Variants in PLXNC1 observed in about 807,000 individuals in gnomAD.
The protein encoded by PLXNC1 is plexin C1.
In PLXNC1, 75 loss-of-function variants were observed where a neutral mutation model predicts 178.2. That is an observed-to-expected ratio of 0.42 (90% CI 0.35 to 0.51). PLXNC1 has a LOEUF of 0.51. Ranked by LOEUF, PLXNC1 falls within the 20% of genes least tolerant of loss-of-function variation. The pLI, the probability that PLXNC1 is intolerant of heterozygous loss-of-function variation, is 0.02. For synonymous variants in PLXNC1, 790 were observed against 779.9 expected, an observed-to-expected ratio of 1.01 and a Z score of -0.22; for missense variants, 1,503 against 1,984.4, an observed-to-expected ratio of 0.76 and a Z score of 4.61.
intron 4 of PLXNC1, among the ~76,000 whole-genome samples, chr12:94,198,326 G>A (rs1425082357): frequency 6.6e-6 from 1 of 152,066 alleles, no homozygotes; most frequent in African/African-American, 2.4e-5. Flanking sequence ...GGTGGGAGGT[G>A]AACAATGAGA....
At chr12:94,242,253 C>T (rs1045731616) in intron 11 of PLXNC1, among the ~76,000 whole-genome samples, 1 of 150,310 alleles carries the variant, frequency 6.7e-6, no homozygotes, top group Non-Finnish European at 1.5e-5. Flanking sequence ...CATCTTCTCT[C>T]TATGTCTTCA....
At chr12:94,226,488 A>AT (rs62973962) in intron 7 of PLXNC1, 117 bp from the exon 8 acceptor site, 155,111 of 535,116 alleles carry the variant, frequency 0.29, 13,254 homozygotes, top group African/African-American at 0.49. Flanking sequence ...CTGTCCAGGG[A>AT]TTTTTTTTTT....
At chr12:94,227,402 T>G in intron 9 of PLXNC1, 167 bp downstream of exon 9, 11 of 530,324 alleles carry the variant, frequency 2.1e-5, no homozygotes, top group East Asian at 1.6e-4. Flanking sequence ...ATTAGCGCAA[T>G]ACATCAATGG....
intron 4 of PLXNC1, among the ~76,000 whole-genome samples, chr12:94,188,855 C>T (rs914411937): frequency 6.6e-6 from 1 of 152,208 alleles, no homozygotes; most frequent in African/African-American, 2.4e-5. Context: ...ACTCTGGGCC[C>T]AAGCATGGGG....
chr12:94,242,612 T>G (rs1994208), intron 11 of PLXNC1, among the ~76,000 whole-genome samples: 2 of 151,920 alleles, frequency 1.3e-5, no homozygotes, highest in African/African-American at 2.4e-5. Flanking sequence ...GACACATTTT[T>G]TGGGGACACA....
intron 3 of PLXNC1, among the ~76,000 whole-genome samples, chr12:94,183,441 C>T (rs1370071039): frequency 6.6e-6 from 1 of 152,192 alleles, no homozygotes; most frequent in Non-Finnish European, 1.5e-5. Flanking sequence ...CTTTGAAAGA[C>T]TTTTGTCTAC....
rs561628995 is a variant in PLXNC1, at chr12:94,251,535, G to A, written c.2881+7G>A. The A allele has an allele frequency of 1.3e-6, 2 of 1,560,836 alleles. No individual in the cohort carries two copies. The highest frequency in any genetic ancestry group is 1.8e-6 in the Non-Finnish European group (2 of 1,131,502). On this transcript the variant is annotated splice_region_variant and intron_variant, in intron 15 of 30. Transcript: ENST00000258526. ...CTAGTGATTGTCATTTTTGGTAAGTGCCCTGTTTAATTTTGTCAGAGAAAT... is the reference window on the plus strand; with the variant it reads ...CTAGTGATTGTCATTTTTGGTAAGTACCCTGTTTAATTTTGTCAGAGAAAT...
At position 94,254,805 on chromosome 12, in the gene PLXNC1, G is replaced by C; in HGVS notation, c.2900G>C (p.Arg967Thr). ...CTCTTAGCGGCCGTGGGGGTGACCA[G>C]GCACAAATCGAAGGAGCTGAGTCGC... ...IVIFAAVGVT[R>T]HKSKELSRKQ... The change falls in exon 16 of 31, where the codon AGG becomes ACG. Residue 967 changes from arginine to threonine, a missense_variant. Physicochemically the swap from Arg to Thr is moderately conservative, Grantham distance 71. Coordinates refer to ENST00000258526, the MANE Select transcript of PLXNC1 (RefSeq NM_005761.3). The C allele has an allele frequency of 6.2e-7, 1 of 1,604,106 alleles. No individual in the cohort carries two copies. The highest frequency in any genetic ancestry group is 8.5e-7 in the Non-Finnish European group (1 of 1,177,480).
Position 94,305,798 on chromosome 12 carries a change from C to T in PLXNC1, c.*513C>T, listed in dbSNP as rs1968943572. 1 of 152,874 alleles carries T rather than the reference C, an allele frequency of 6.5e-6. No homozygotes were observed. The highest frequency in any genetic ancestry group is 1.5e-5 in the Non-Finnish European group (1 of 68,568). The allele number at this position is 152,874 out of a possible 1,614,324, so 9.5% of individuals were successfully genotyped here. On this transcript the variant is annotated 3_prime_UTR_variant, in exon 31 of 31. Transcript: ENST00000258526. ...CAGTAGTTCTTGGAAAAGCTGACCG[C>T]AGAATTTGGTAGTGTACACTTAGCA...
chr12:94,162,496 C>T (rs1592721369), intron 1 of PLXNC1, among the ~76,000 whole-genome samples: 1 of 152,142 alleles, frequency 6.6e-6, no homozygotes, highest in Admixed American at 6.5e-5. Context: ...GAATTTTAGT[C>T]AAGGGAGTAA....
chr12:94,223,980 T>C (rs2610668), intron 6 of PLXNC1, among the ~76,000 whole-genome samples: 1 of 152,154 alleles, frequency 6.6e-6, no homozygotes, highest in African/African-American at 2.4e-5. Context: ...CTAGTGATTA[T>C]TCATGGGAGG....
In PLXNC1 at chr12:94,169,284, G is replaced by T. The variant is rs751261420; in HGVS notation, c.1194G>T (p.Gln398His). The T allele has an allele frequency of 1.2e-6, 2 of 1,613,538 alleles. No individual in the cohort carries two copies. Among genetic ancestry groups the T allele is most frequent in the Non-Finnish European group, 1.7e-6 (2 of 1,179,750 alleles). Residue 398 changes from glutamine to histidine, a missense_variant, in exon 2 of 31, where the codon CAG (glutamine) becomes CAT (histidine). Gln to His is a conservative substitution (Grantham distance 24). Around this residue, in one of 4 missense-constraint regions of PLXNC1, gnomAD observed 615 missense variants for 698.6 expected, o/e 0.88. Coordinates refer to ENST00000258526, the MANE Select transcript of PLXNC1 (RefSeq NM_005761.3). Reference sequence around the variant, plus strand: ...TATTCTTGGGGACTGGAGATGGCCAGTTACTTAAGGTTGGTTTTCTGTGCC... The same window carrying T: ...TATTCTTGGGGACTGGAGATGGCCATTTACTTAAGGTTGGTTTTCTGTGCC... ...TVLFLGTGDG[Q>H]LLKVILGENL...
intron 4 of PLXNC1, among the ~76,000 whole-genome samples, chr12:94,187,484 A>G (rs1256367953): frequency 6.6e-6 from 1 of 152,214 alleles, no homozygotes; most frequent in Non-Finnish European, 1.5e-5. Flanking sequence ...GAGCTGCAGC[A>G]AGAGGAATAA....
At position 94,226,618 on chromosome 12, in the gene PLXNC1, G is replaced by A. The variant is rs772891858; in HGVS notation, c.1804G>A (p.Val602Ile). 2.4e-5 allele frequency: 38 copies of A among 1,612,498 alleles called. No homozygotes were observed. The highest frequency in any genetic ancestry group is 4.5e-5 in the East Asian group (2 of 44,882). The change falls in exon 8 of 31, where the codon GTA becomes ATA. Residue 602 changes from valine to isoleucine, a missense_variant. Coordinates refer to ENST00000258526, the MANE Select transcript of PLXNC1 (RefSeq NM_005761.3). ...CSSLKECPAC[V>I]ETGCAWCKSA... is the part of the protein sequence containing the mutation. Reference sequence around the variant, plus strand: ...CTGTGTTGCTAGATGCCCAGCATGCGTAGAAACTGGCTGCGCGTGGTGTAA... The same window carrying A: ...CTGTGTTGCTAGATGCCCAGCATGCATAGAAACTGGCTGCGCGTGGTGTAA...
At chr12:94,201,693 G>A (rs568985892) in intron 4 of PLXNC1, among the ~76,000 whole-genome samples, 1 of 146,442 alleles carries the variant, frequency 6.8e-6, no homozygotes, top group South Asian at 2.2e-4. Context: ...TGCTTTAAGT[G>A]CACTCAGATA....
In PLXNC1 at chr12:94,260,926, T is replaced by C. The variant is rs1964974189; in HGVS notation, c.3450+86T>C. 70 of 1,110,780 alleles carry C rather than the reference T, an allele frequency of 6.3e-5. 6 individuals are homozygous for C. The South Asian group carries it at 9.1e-4, about 14-fold the overall frequency. The allele number at this position is 1,110,780 out of a possible 1,614,324, so 68.8% of individuals were successfully genotyped here. Reference sequence around the variant, plus strand: ...ACTCTGATGCCTTTGCCAGGATAAATCCTGAATGCTCGATGGTGTCAGCAC... The same window carrying C: ...ACTCTGATGCCTTTGCCAGGATAAACCCTGAATGCTCGATGGTGTCAGCAC... On this transcript the variant is annotated intron_variant, in intron 20 of 30. Transcript: ENST00000258526. This position sits in a 1 kb window ranked among gnomAD's most constrained non-coding sequence, Gnocchi z 4.4.
intron 4 of PLXNC1, among the ~76,000 whole-genome samples, chr12:94,199,095 T>C (rs1379218994): frequency 6.6e-6 from 1 of 152,040 alleles, no homozygotes; most frequent in Non-Finnish European, 1.5e-5. Context: ...CAGGGGGCGC[T>C]AAATTTAAAC....
chr12:94,183,686 G>GGAAC (rs1401289573), intron 3 of PLXNC1, among the ~76,000 whole-genome samples: 5 of 152,256 alleles, frequency 3.3e-5, no homozygotes, highest in African/African-American at 1.2e-4. Context: ...GGATAGTAAT[G>GGAAC]GAACCCCAGA....
At chr12:94,262,276 C>T (rs377004650) in intron 20 of PLXNC1, among the ~76,000 whole-genome samples, 21 of 152,344 alleles carry the variant, frequency 1.4e-4, no homozygotes, top group East Asian at 1.3e-3. Flanking sequence ...ATCTCAGCCC[C>T]GGTCAGCTGT....
Sources: gnomAD v4.1 joint callset for allele counts (sites outside exome capture counted in the v4.1 genomes callset) on GRCh38, gnomAD v4.1.1 for gene constraint, gnomAD v4.1.1 regional missense constraint, Gnocchi (gnomAD v3.1) non-coding constraint, MANE v1.5 for transcripts, NCBI Gene and HGNC (gene_info 2026-07-23, HGNC 2026-07-21) for gene names.